The following TMEM62 variants were observed in gnomAD, a reference collection of about 807,000 sequenced individuals.
TMEM62 encodes the protein transmembrane protein 62.
Under a neutral mutation model 70.4 loss-of-function variants are expected in TMEM62, and 41 were observed. The observed-to-expected ratio is 0.58, with a 90% CI of 0.45 to 0.76. The LOEUF (loss-of-function observed/expected upper bound fraction) is 0.76, where lower values mean the gene tolerates loss of function less well. Ranked by LOEUF, TMEM62 falls within the 30% of genes least tolerant of loss-of-function variation. The probability of loss-of-function intolerance (pLI) is 0.00; values close to 1 mark genes in which losing one functional copy is unlikely to be tolerated. For missense variants in TMEM62, 688 were observed against 788.5 expected, an observed-to-expected ratio of 0.87 and a Z score of 1.53; for synonymous variants, 268 against 291.0, an observed-to-expected ratio of 0.92 and a Z score of 0.80.
intron 10 of TMEM62, among the ~76,000 whole-genome samples, chr15:43,167,069 T>A (rs2039523987): frequency 6.6e-6 from 1 of 151,574 alleles, no homozygotes; most frequent in Non-Finnish European, 1.5e-5. Flanking sequence ...CCAGACGGGG[T>A]GGTGGCCGGG....
chr15:43,142,508 A>G lies in TMEM62; in HGVS notation c.476+3889A>G, dbSNP rs141830457. Among the ~76,000 whole-genome samples, 140 of 151,934 alleles carry G rather than the reference A, an allele frequency of 9.2e-4. 1 individual carries two copies. The Middle Eastern group carries it at 0.02, about 22-fold the overall frequency. On this transcript the variant is annotated intron_variant, in intron 4 of 13. Coordinates refer to ENST00000260403, the MANE Select transcript of TMEM62 (RefSeq NM_024956.4). ...AAAGTCAATTGATGTAGCAAACTTC[A>G]TGGTTACCTTATTTTAAGAAATTAC...
rs140816944 is a variant in TMEM62, at chr15:43,160,788, C to T, written c.1290C>T (p.Tyr430=). ...LASFILRTDH[Y]IMARVLFVLI... ...CATTTATTCTCCGTACTGATCACTA[C>T]ATCATGGTAAGTGAATTCAATTAAA... is the stretch of plus-strand genomic sequence containing the variant. The change falls in exon 10 of 14, where the codon TAC becomes TAT. Residue 430 remains tyrosine, a synonymous_variant. Coordinates refer to ENST00000260403, the MANE Select transcript of TMEM62 (RefSeq NM_024956.4). 51 of 1,568,988 alleles carry T rather than the reference C, an allele frequency of 3.3e-5. No individual in the cohort carries two copies. The African/African-American group carries it at 5.6e-4, about 17-fold the overall frequency.
At chr15:43,135,417 A>T in intron 2 of TMEM62, 95 bp from the exon 3 acceptor site, 1 of 1,302,358 alleles carries the variant, frequency 7.7e-7, no homozygotes, top group East Asian at 2.5e-5. Context: ...TGAGTGCTTT[A>T]AGTATCCTTG....
At chr15:43,169,541 A>C in intron 10 of TMEM62, 52 bp from the exon 11 acceptor site, 1 of 1,478,840 alleles carries the variant, frequency 6.8e-7, no homozygotes, top group Non-Finnish European at 9.4e-7. Flanking sequence ...AAAAATCTTA[A>C]CTGAAAGTGT....
At chr15:43,184,194 A>C in intron 13 of TMEM62, 66 bp from the exon 14 acceptor site, 1 of 1,357,306 alleles carries the variant, frequency 7.4e-7, no homozygotes, top group Non-Finnish European at 1.0e-6. Context: ...ATCCACTAAT[A>C]ATGCATTATT....
In TMEM62 at chr15:43,160,772, T is replaced by G. The variant is rs1321887447; in HGVS notation, c.1274T>G (p.Leu425Arg). Residue 425 changes from leucine (L) to arginine (R), a missense_variant, in exon 10 of 14, where the codon CTC becomes CGC. Physicochemically the swap from Leu to Arg is moderately radical, Grantham distance 102 (BLOSUM62 -2). Transcript: ENST00000260403. ...TTTGATCCCCTGGCATCATTTATTC[T>G]CCGTACTGATCACTACATCATGGTA... ...LSFDPLASFI[L>R]RTDHYIMARV... 3.7e-6 allele frequency: 6 copies of G among 1,601,132 alleles called. No homozygotes were observed. The East Asian group carries it at 1.1e-4, about 30-fold the overall frequency.
At chr15:43,146,247 C>G in intron 4 of TMEM62, 2 of 365,156 alleles carry the variant, frequency 5.5e-6, no homozygotes, top group Non-Finnish European at 9.9e-6. Context: ...CTAAAAGAGC[C>G]GTCTTACTTC....
intron 9 of TMEM62, among the ~76,000 whole-genome samples, chr15:43,155,706 C>A (rs762549733): frequency 2.6e-5 from 4 of 152,032 alleles, no homozygotes; most frequent in African/African-American, 7.2e-5. Flanking sequence ...GGGGCAAATT[C>A]CCCAGTATAC....
intron 5 of TMEM62, among the ~76,000 whole-genome samples, chr15:43,147,392 T>C (rs1820763645): frequency 6.6e-6 from 1 of 152,230 alleles, no homozygotes; most frequent in South Asian, 2.1e-4. Context: ...GAACCTCTTA[T>C]TATTTCTTGG....
chr15:43,184,662 C>G lies in TMEM62; in HGVS notation c.*76C>G. On this transcript the variant is annotated 3_prime_UTR_variant, in exon 14 of 14. Transcript: ENST00000260403. ...GTAGCCCAGGCCTCTACCCCAGTAG[C>G]AGGTGGAGGGCCAGGATTGGTGGGT... The G allele has an allele frequency of 3.0e-6, 4 of 1,350,556 alleles. No individual in the cohort carries two copies. Among genetic ancestry groups the G allele is most frequent in the Non-Finnish European group, 4.1e-6 (4 of 984,928 alleles). 83.7% of individuals were successfully genotyped at this position (1,350,556 alleles called of 1,614,324 possible). A position where few individuals can be genotyped will look rare whatever the true frequency, so the allele number is the denominator to read the frequency against.
intron 4 of TMEM62, chr15:43,146,016 A>G (rs1176623877): frequency 6.5e-6 from 1 of 152,714 alleles, no homozygotes; most frequent in Non-Finnish European, 1.5e-5. Flanking sequence ...TTAACAACCC[A>G]GACCTAGACT....
At chr15:43,141,571 G>A (rs1228379550) in intron 4 of TMEM62, among the ~76,000 whole-genome samples, 12 of 152,196 alleles carry the variant, frequency 7.9e-5, no homozygotes, top group Admixed American at 6.5e-4. Context: ...GCCTGCTAGC[G>A]CAGTATTCAT....
In TMEM62 at chr15:43,178,749, A is replaced by C. The variant is rs746424041; in HGVS notation, c.1486+38A>C. ...GTACAGATTATGGGGAATTTTGCCA[A>C]AGAATATATTAACAATTTTGACAAT... On this transcript the variant is annotated intron_variant, in intron 12 of 13. Transcript: ENST00000260403. 3.5e-5 allele frequency: 45 copies of C among 1,291,564 alleles called. No individual in the cohort carries two copies. In the Admixed American group the frequency reaches 3.7e-4, roughly 11 times the overall value. 80.0% of individuals were successfully genotyped at this position (1,291,564 alleles called of 1,614,324 possible). A position where few individuals can be genotyped will look rare whatever the true frequency, so the allele number is the denominator to read the frequency against.
chr15:43,146,145 A>G, intron 4 of TMEM62: 1 of 165,400 alleles, frequency 6.0e-6, no homozygotes, highest in Non-Finnish European at 1.3e-5. Context: ...CAAGAATTCT[A>G]GGTACTTAGT....
At chr15:43,160,822 A>T in intron 10 of TMEM62, 28 bp downstream of exon 10, 1 of 1,337,536 alleles carries the variant, frequency 7.5e-7, no homozygotes, top group South Asian at 1.2e-5. Flanking sequence ...AATATTACAT[A>T]TGTTAAATGC....
chr15:43,167,165 C>T (rs2039548318), intron 10 of TMEM62, among the ~76,000 whole-genome samples: 1 of 150,406 alleles, frequency 6.6e-6, no homozygotes, highest in African/African-American at 2.5e-5. Flanking sequence ...AGGCGGGGGG[C>T]TGACCCCCCC....
chr15:43,145,203 A>AT (rs201610622), intron 4 of TMEM62, among the ~76,000 whole-genome samples: 13 of 85,736 alleles, frequency 1.5e-4, no homozygotes, highest in Middle Eastern at 5.9e-3. Context: ...CTGAAATAGA[A>AT]TTTTTTTTTT....
chr15:43,147,815 T>A (rs112825959), intron 5 of TMEM62, among the ~76,000 whole-genome samples: 1,894 of 152,354 alleles, frequency 0.012, 23 homozygotes, highest in Non-Finnish European at 0.018. Flanking sequence ...GAAAACCAAC[T>A]GGAGTGTTAC....
chr15:43,142,798 T>C (rs1481896257), intron 4 of TMEM62, among the ~76,000 whole-genome samples: 1 of 151,272 alleles, frequency 6.6e-6, no homozygotes, highest in Non-Finnish European at 1.5e-5. Context: ...GCCTCTCGGG[T>C]AGCTGGGACC....
Sources: allele counts gnomAD v4.1 joint callset (sites outside exome capture counted in the v4.1 genomes callset), GRCh38; gene constraint gnomAD v4.1.1; transcripts MANE v1.5; gene names NCBI Gene and HGNC (gene_info 2026-07-23, HGNC 2026-07-21).